ZYG11B: variants seen among roughly 807,000 people sequenced by gnomAD.
ZYG11B encodes zyg-11 family member B, cell cycle regulator.
ZYG11B carries 36 observed loss-of-function variants against 82.4 expected under a neutral mutation model. The observed-to-expected ratio is 0.44, with a 90% CI of 0.33 to 0.58. The LOEUF (loss-of-function observed/expected upper bound fraction) is 0.58. Among genes scored for constraint, ZYG11B ranks in the 20% least tolerant of loss-of-function variants. ZYG11B has a pLI of 0.02. For missense variants in ZYG11B, 552 were observed against 895.6 expected (o/e 0.62, Z 4.90); for synonymous variants, 303 against 312.8 (o/e 0.97, Z 0.33).
intron 10 of ZYG11B, among the ~76,000 whole-genome samples, chr1:52,805,914 G>A (rs140710897): frequency 1.4e-3 from 217 of 152,044 alleles, no homozygotes; most frequent in Middle Eastern, 3.4e-3. Flanking sequence ...AGGAATACAT[G>A]TTGTTATAAC....
intron 3 of ZYG11B, chr1:52,772,412 T>A: frequency 6.4e-7 from 1 of 1,554,272 alleles, no homozygotes; most frequent in South Asian, 1.1e-5. Flanking sequence ...CAGGAGCAAG[T>A]CCCTTAGACT....
Position 52,753,412 on chromosome 1 carries a change from G to C in ZYG11B, c.31-3046G>C, listed in dbSNP as rs1644542689. ...GGTTGTTCTTCTTCTTCTGGTTGTT[G>C]TTGTTGTTGTTCTTTTTTTTTTTTT... is the stretch of plus-strand genomic sequence containing the variant. On this transcript the variant is annotated intron_variant, in intron 1 of 13. Coordinates refer to ENST00000294353, the MANE Select transcript of ZYG11B (RefSeq NM_024646.3). 1.1e-4 allele frequency among the ~76,000 whole-genome samples: 15 copies of C among 140,732 alleles called. 1 individual carries two copies. The South Asian group carries it at 3.4e-3, about 32-fold the overall frequency. 92.3% of individuals were successfully genotyped at this position (140,732 alleles called of 152,430 possible).
At chr1:52,812,639 A>G (rs1405490466) in intron 10 of ZYG11B, among the ~76,000 whole-genome samples, 2 of 150,764 alleles carry the variant, frequency 1.3e-5, no homozygotes, top group Non-Finnish European at 3.0e-5. Context: ...TCCTGACCTC[A>G]GGTGATCTGC....
At position 52,797,669 on chromosome 1, in the gene ZYG11B, C is replaced by T. The variant is rs544271951; in HGVS notation, c.1485+885C>T. 5.4e-4 allele frequency among the ~76,000 whole-genome samples: 81 copies of T among 150,040 alleles called. No individual in the cohort carries two copies. The East Asian group carries it at 9.2e-3, about 17-fold the overall frequency. On this transcript the variant is annotated intron_variant, in intron 8 of 13. Coordinates refer to ENST00000294353, the MANE Select transcript of ZYG11B (RefSeq NM_024646.3). ...GACTACAGGCGCCTGCCACCATGCC[C>T]GGCTAATTTTTTTGTATTTTTAGTA...
intron 1 of ZYG11B, among the ~76,000 whole-genome samples, chr1:52,742,065 A>G (rs953905075): frequency 1.3e-5 from 2 of 152,226 alleles, no homozygotes; most frequent in African/African-American, 2.4e-5. Flanking sequence ...AAAGTCACCC[A>G]AAGATACAAT....
chr1:52,783,746 C>A (rs1452740323), intron 4 of ZYG11B, among the ~76,000 whole-genome samples: 1 of 140,904 alleles, frequency 7.1e-6, no homozygotes, highest in East Asian at 2.3e-4. Context: ...CCTCAGCCTC[C>A]CAAGTAGATG....
At chr1:52,818,442 C>G (rs991641159) in intron 13 of ZYG11B, among the ~76,000 whole-genome samples, 1 of 151,616 alleles carries the variant, frequency 6.6e-6, no homozygotes, top group Non-Finnish European at 1.5e-5. Context: ...ACCATGCACT[C>G]TGGCCTGGGT....
intron 10 of ZYG11B, among the ~76,000 whole-genome samples, chr1:52,809,311 A>G (rs1558142672): frequency 6.6e-6 from 1 of 152,164 alleles, no homozygotes. Context: ...GTCTGTAACC[A>G]TTAAACAATA....
chr1:52,789,617 A>G (rs544331694), intron 5 of ZYG11B, among the ~76,000 whole-genome samples: 59 of 152,188 alleles, frequency 3.9e-4, no homozygotes, highest in East Asian at 1.4e-3. Flanking sequence ...CGTGTACTCT[A>G]TGTTAGAGTC....
At chr1:52,797,424 ATAT>A (rs1204271338) in intron 8 of ZYG11B, among the ~76,000 whole-genome samples, 44 of 87,770 alleles carry the variant, frequency 5.0e-4, no homozygotes, top group Non-Finnish European at 6.8e-4. Flanking sequence ...TATATTATAC[ATAT>A]TATATATAAC....
At chr1:52,774,936 A>C (rs956541061) in intron 3 of ZYG11B, among the ~76,000 whole-genome samples, 1 of 152,154 alleles carries the variant, frequency 6.6e-6, no homozygotes, top group African/African-American at 2.4e-5. Flanking sequence ...ACTCATGAGA[A>C]CATTGAAAAT....
chr1:52,796,165 A>G lies in ZYG11B; in HGVS notation c.1335-127A>G, dbSNP rs1246657707. The G allele has an allele frequency of 2.0e-5, 12 of 613,344 alleles. No homozygotes were observed. In the East Asian group the frequency reaches 3.4e-4, roughly 17 times the overall value. 38.0% of individuals were successfully genotyped at this position (613,344 alleles called of 1,614,324 possible). On this transcript the variant is annotated intron_variant, in intron 6 of 13. Coordinates refer to ENST00000294353, the MANE Select transcript of ZYG11B (RefSeq NM_024646.3). ...ACACTAAGTGTAATTGTTACTCTCT[A>G]CCAGTTAAGAGGAATTTTCCCTTGC...
At chr1:52,814,057 C>T (rs1465171093) in intron 12 of ZYG11B, 145 bp downstream of exon 12, 3 of 790,584 alleles carry the variant, frequency 3.8e-6, no homozygotes, top group South Asian at 1.8e-5. Flanking sequence ...AGTTTCACTC[C>T]GTCGCCATGG....
chr1:52,820,871 C>T (rs552748211), intron 13 of ZYG11B, among the ~76,000 whole-genome samples: 2 of 151,746 alleles, frequency 1.3e-5, no homozygotes, highest in East Asian at 3.9e-4. Flanking sequence ...GAGGCTGAGG[C>T]GGGAGGATTG....
chr1:52,790,180 G>C (rs1644944733), intron 6 of ZYG11B, 113 bp downstream of exon 6: 1 of 652,922 alleles, frequency 1.5e-6, no homozygotes, highest in Non-Finnish European at 2.4e-6. Context: ...TGAATAGATA[G>C]AATTGTGGGT....
chr1:52,803,675 C>G (rs895703162), intron 10 of ZYG11B, among the ~76,000 whole-genome samples: 3 of 152,132 alleles, frequency 2.0e-5, no homozygotes, highest in Non-Finnish European at 2.9e-5. Context: ...AATCACGGCT[C>G]ACTGCAGCCT....
chr1:52,783,805 T>TATATATATATATAC (rs74185908), intron 4 of ZYG11B, among the ~76,000 whole-genome samples: 18 of 135,016 alleles, frequency 1.3e-4, no homozygotes, highest in African/African-American at 4.5e-4. Context: ...TATATATATA[T>TATATATATATATAC]ACACACACAC....
rs1645014723 is a variant in ZYG11B at position 52,796,928 on chromosome 1, T to TTATATATATATAA, written c.1485+151_1485+152insATATAATATATAT. 3 of 106,606 alleles carry TTATATATATATAA rather than the reference T, an allele frequency of 2.8e-5. No homozygotes were observed. In the East Asian group the frequency reaches 7.9e-4, roughly 28 times the overall value. The allele number at this position is 106,606 out of a possible 1,614,324, so 6.6% of individuals were successfully genotyped here. A position where few individuals can be genotyped will look rare whatever the true frequency, so the allele number is the denominator to read the frequency against. ...TATATATATTATATATTATATATAA[T>TTATATATATATAA]TATATATTATATATAATGTATAATT... On this transcript the variant is annotated intron_variant, in intron 8 of 13. Transcript: ENST00000294353.
At chr1:52,741,315 AAAAAG>A (rs56832647) in intron 1 of ZYG11B, among the ~76,000 whole-genome samples, 5 of 142,602 alleles carry the variant, frequency 3.5e-5, no homozygotes, top group African/African-American at 5.8e-5. Context: ...AAAAAAAAAA[AAAAAG>A]AAAAGAAAAG....
Sources: allele counts gnomAD v4.1 joint callset (sites outside exome capture counted in the v4.1 genomes callset), GRCh38; gene constraint gnomAD v4.1.1; transcripts MANE v1.5; gene names NCBI Gene and HGNC (gene_info 2026-07-23, HGNC 2026-07-21).